KNL1: variants seen among roughly 807,000 people sequenced by gnomAD.
KNL1 encodes the protein kinetochore scaffold 1.
KNL1 carries 66 observed loss-of-function variants against 201.3 expected under a neutral mutation model. The observed-to-expected ratio is 0.33, with a 90% CI of 0.27 to 0.40. The LOEUF (loss-of-function observed/expected upper bound fraction) is 0.40. KNL1 is among the 10% of genes least tolerant of loss of function. The probability of loss-of-function intolerance (pLI) is 1.00; values close to 1 mark genes in which losing one functional copy is unlikely to be tolerated. For missense variants in KNL1, 2,815 were observed against 2,690.5 expected, an observed-to-expected ratio of 1.05 and a Z score of -1.02; for synonymous variants, 895 against 899.2, an observed-to-expected ratio of 1.00 and a Z score of 0.08.
intron 14 of KNL1, among the ~76,000 whole-genome samples, chr15:40,643,762 G>T (rs1893302199): frequency 6.6e-6 from 1 of 152,244 alleles, no homozygotes; most frequent in Non-Finnish European, 1.5e-5. Context: ...ACGTTGAGAT[G>T]AGAATTCTGT....
At chr15:40,615,611 C>G (rs1222256979) in intron 8 of KNL1, 1 of 186,014 alleles carries the variant, frequency 5.4e-6, no homozygotes, top group African/African-American at 2.4e-5. Flanking sequence ...TACTAAAATA[C>G]AAAAAAGTAG....
intron 4 of KNL1, among the ~76,000 whole-genome samples, chr15:40,606,737 T>A (rs2141701724): frequency 6.6e-6 from 1 of 152,296 alleles, no homozygotes; most frequent in African/African-American, 2.4e-5. Flanking sequence ...TAGCTGGGAC[T>A]ACGGCACATG....
rs199952814 is a variant in KNL1 at position 40,657,344 on chromosome 15, A to C, written c.6595-11A>C. ...ATAATTTCACTGGATTTTTTTTCCCACTTTTTCTAGATGCTTGAAGAATTC... is the reference window on the plus strand; with the variant it reads ...ATAATTTCACTGGATTTTTTTTCCCCCTTTTTCTAGATGCTTGAAGAATTC... On this transcript the variant is annotated splice_polypyrimidine_tract_variant and intron_variant, in intron 23 of 25. Coordinates refer to ENST00000399668, the MANE Select transcript of KNL1 (RefSeq NM_144508.5). 2 of 1,518,874 alleles carry C rather than the reference A, an allele frequency of 1.3e-6. No homozygotes were observed. The highest frequency in any genetic ancestry group is 1.7e-5 in the Admixed American group (1 of 57,828). 94.1% of individuals were successfully genotyped at this position (1,518,874 alleles called of 1,614,324 possible).
In KNL1 at chr15:40,650,275, A is replaced by G. The variant is rs373603960; in HGVS notation, c.6095-26A>G. The G allele has an allele frequency of 5.2e-4, 737 of 1,409,976 alleles. 4 individuals are homozygous for G. Among genetic ancestry groups the G allele is most frequent in the Non-Finnish European group, 9.9e-5 (100 of 1,008,662 alleles). The allele number at this position is 1,409,976 out of a possible 1,614,324, so 87.3% of individuals were successfully genotyped here. ...TTTTTTTACTATTTTTCACTGAATT[A>G]TTCTAACAAATACTGTCTACTTTAG... On this transcript the variant is annotated intron_variant, in intron 17 of 25. Transcript: ENST00000399668.
Position 40,599,454 on chromosome 15 carries a change from G to A in KNL1, c.-17-3461G>A, listed in dbSNP as rs551133209. ...GCTGGAGTGCAGTGGTTTGATCTCT[G>A]CTCACTGCAGCCTCTGCCTCCCAGG... On this transcript the variant is annotated intron_variant, in intron 1 of 25. Coordinates refer to ENST00000399668, the MANE Select transcript of KNL1 (RefSeq NM_144508.5). Among the ~76,000 whole-genome samples, 19 of 145,766 alleles carry A rather than the reference G, an allele frequency of 1.3e-4. No individual in the cohort carries two copies. In the East Asian group the frequency reaches 4.1e-3, roughly 31 times the overall value.
Position 40,623,704 on chromosome 15 carries a change from C to G in KNL1, c.3440C>G (p.Ala1147Gly). ...AAAACTCTCCTGCCAAATGAAATAG[C>G]TATTAGGCCCATGGACAAAACCGTA... Reference protein sequence around the residue: ...ECKTLLPNEIAIRPMDKTVLF... With the variant: ...ECKTLLPNEIGIRPMDKTVLF... Residue 1147 changes from alanine (A) to glycine (G), a missense_variant, in exon 10 of 26, where the codon GCT (alanine) becomes GGT (glycine). By Grantham distance (60) the Ala-to-Gly change is moderately conservative. Coordinates refer to ENST00000399668, the MANE Select transcript of KNL1 (RefSeq NM_144508.5). The G allele has an allele frequency of 6.2e-7, 1 of 1,613,882 alleles. No homozygotes were observed. The highest frequency in any genetic ancestry group is 8.5e-7 in the Non-Finnish European group (1 of 1,179,864).
chr15:40,633,544 T>C (rs557974154), intron 13 of KNL1, among the ~76,000 whole-genome samples: 5 of 152,226 alleles, frequency 3.3e-5, no homozygotes, highest in South Asian at 4.1e-4. Flanking sequence ...CTATACTCTT[T>C]ATTGTTATTT....
At chr15:40,625,770 G>C (rs919899701) in intron 10 of KNL1, 130 bp downstream of exon 10, 4 of 670,318 alleles carry the variant, frequency 6.0e-6, no homozygotes, top group Non-Finnish European at 1.0e-5. Context: ...CACTTAGAGG[G>C]CTGGAGAAAT....
intron 1 of KNL1, among the ~76,000 whole-genome samples, chr15:40,600,644 T>G (rs1055573588): frequency 6.6e-6 from 1 of 152,232 alleles, no homozygotes; most frequent in African/African-American, 2.4e-5. Flanking sequence ...GCAAGAACAT[T>G]GATCCTGTTT....
rs1188076550 is a variant in KNL1, at chr15:40,650,612, T to G, written c.6212+29T>G. ...AGCCTTCAATCCAAGTGTTAGAAAA[T>G]ATAATGCTAAATCACAGAAGGCTAG... On this transcript the variant is annotated intron_variant, in intron 19 of 25. Coordinates refer to ENST00000399668, the MANE Select transcript of KNL1 (RefSeq NM_144508.5). 3 of 1,533,148 alleles carry G rather than the reference T, an allele frequency of 2.0e-6. No homozygotes were observed. The South Asian group carries it at 3.8e-5, about 19-fold the overall frequency. 95.0% of individuals were successfully genotyped at this position (1,533,148 alleles called of 1,614,324 possible).
Position 40,622,629 on chromosome 15 carries a change from C to T in KNL1, c.2365C>T (p.His789Tyr), listed in dbSNP as rs1307898568. The T allele has an allele frequency of 1.9e-6, 3 of 1,600,574 alleles. No individual in the cohort carries two copies. Among genetic ancestry groups the T allele is most frequent in the African/African-American group, 1.3e-5 (1 of 74,334 alleles). The change falls in exon 10 of 26, where the codon CAC becomes TAC. Residue 789 changes from histidine to tyrosine, a missense_variant. By Grantham distance (83) the His-to-Tyr change is moderately conservative (BLOSUM62 2). Transcript: ENST00000399668. Reference protein sequence around the residue: ...LQELGKTNLEHTTGQLTTMNR... With the variant: ...LQELGKTNLEYTTGQLTTMNR... ...AGAACTTGGTAAAACTAATTTAGAA[C>T]ACACTACTGGCCAGCTAACAACAAT...
rs765821198 is a variant in KNL1, at chr15:40,629,301, G to A, written c.5612G>A (p.Arg1871Lys). ...EKLQDGRITI[R>K]EFFILLQVHI... ...CTCCAAGATGGGAGAATAACAATAA[G>A]GGAGTTCTTTATACTTCTCCAGGTC... Residue 1871 changes from arginine (R) to lysine (K), a missense_variant, in exon 13 of 26, where the codon AGG (arginine) becomes AAG (lysine). Physicochemically the swap from Arg to Lys is conservative, Grantham distance 26. Around this residue, in one of 3 missense-constraint regions of KNL1, gnomAD observed 2,464 missense variants for 2,291.7 expected, o/e 1.08. Transcript: ENST00000399668. The A allele has an allele frequency of 2.4e-5, 39 of 1,599,538 alleles. No homozygotes were observed. Among genetic ancestry groups the A allele is most frequent in the Non-Finnish European group, 3.1e-5 (37 of 1,176,642 alleles).
At position 40,621,456 on chromosome 15, in the gene KNL1, G is replaced by C; in HGVS notation, c.1192G>C (p.Val398Leu). 1 of 1,613,798 alleles carries C rather than the reference G, an allele frequency of 6.2e-7. No individual in the cohort carries two copies. Among genetic ancestry groups the C allele is most frequent in the Non-Finnish European group, 8.5e-7 (1 of 1,179,814 alleles). Residue 398 changes from valine (V) to leucine (L), a missense_variant, in exon 10 of 26, where the codon GTC (valine) becomes CTC (leucine). Val to Leu is a conservative substitution (Grantham distance 32, BLOSUM62 1). This residue lies in a region of KNL1 where 2,464 missense variants were observed against 2,291.7 expected (regional missense o/e 1.08). Coordinates refer to ENST00000399668, the MANE Select transcript of KNL1 (RefSeq NM_144508.5). Reference sequence around the variant, plus strand: ...TATTATGGGGGCAGAAACTCACATAGTCTCACAGACTTGTAATCAGGATGC... The same window carrying C: ...TATTATGGGGGCAGAAACTCACATACTCTCACAGACTTGTAATCAGGATGC... ...SHIMGAETHI[V>L]SQTCNQDARI...
chr15:40,642,159 G>A (rs1471074765), intron 14 of KNL1, among the ~76,000 whole-genome samples: 4 of 152,186 alleles, frequency 2.6e-5, no homozygotes, highest in Non-Finnish European at 5.9e-5. Flanking sequence ...CAGCACTTTG[G>A]GAGGCTGAGG....
intron 4 of KNL1, among the ~76,000 whole-genome samples, chr15:40,606,707 TC>T (rs1249398015): frequency 6.6e-6 from 1 of 152,150 alleles, no homozygotes; most frequent in African/African-American, 2.4e-5. Context: ...CAATCAATCT[TC>T]CCGCCTCAGC....
chr15:40,643,646 C>T (rs114761635), intron 14 of KNL1, among the ~76,000 whole-genome samples: 2,039 of 152,116 alleles, frequency 0.013, 41 homozygotes, highest in African/African-American at 0.047. Context: ...GGTGAGACTC[C>T]GTCTCAAAAA....
chr15:40,606,995 A>C (rs1891998295), intron 4 of KNL1, among the ~76,000 whole-genome samples: 1 of 152,220 alleles, frequency 6.6e-6, no homozygotes, highest in South Asian at 2.1e-4. Context: ...CCTGGGCTCA[A>C]GTAATCCACC....
In KNL1 at chr15:40,610,277, T is replaced by C; in HGVS notation, c.230T>C (p.Val77Ala). 1 of 1,539,112 alleles carries C rather than the reference T, an allele frequency of 6.5e-7. No individual in the cohort carries two copies. Among genetic ancestry groups the C allele is most frequent in the Non-Finnish European group, 9.0e-7 (1 of 1,112,982 alleles). The change falls in exon 6 of 26, where the codon GTG (valine) becomes GCG (alanine). Residue 77 changes from valine to alanine, a missense_variant. Val to Ala is a moderately conservative substitution (Grantham distance 64). Coordinates refer to ENST00000399668, the MANE Select transcript of KNL1 (RefSeq NM_144508.5). Reference protein sequence around the residue: ...VFQTESHMKIVRKSEMEETET... With the variant: ...VFQTESHMKIARKSEMEETET... ...CAGACGGAGTCTCATATGAAAATAG[T>C]GAGAAAGTCAGAAATGGAAGGTAAG...
chr15:40,658,391 C>T (rs1190269038), intron 24 of KNL1, among the ~76,000 whole-genome samples: 3 of 150,308 alleles, frequency 2.0e-5, no homozygotes, highest in East Asian at 2.0e-4. Context: ...TAGCCGGGCA[C>T]GGTGGCAGGT....
Sources: allele counts gnomAD v4.1 joint callset (sites outside exome capture counted in the v4.1 genomes callset), GRCh38; gene constraint gnomAD v4.1.1; regional missense constraint gnomAD v4.1.1; transcripts MANE v1.5; gene names NCBI Gene and HGNC (gene_info 2026-07-23, HGNC 2026-07-21).